The following RRP7A variants were observed in gnomAD, a reference collection of about 807,000 sequenced individuals.
The protein encoded by RRP7A is ribosomal RNA-processing protein 7 homolog A.
A neutral mutation model predicts 38.4 loss-of-function variants in RRP7A; 27 were observed. That is an observed-to-expected ratio of 0.70 (90% CI 0.52 to 0.97). The LOEUF (loss-of-function observed/expected upper bound fraction) is 0.97. Among genes scored for constraint, RRP7A ranks in the 50% least tolerant of loss-of-function variants. The pLI is 0.00. For synonymous variants in RRP7A, 124 were observed against 150.3 expected, an observed-to-expected ratio of 0.83 and a Z score of 1.28; for missense variants, 327 against 375.4, an observed-to-expected ratio of 0.87 and a Z score of 1.07.
intron 2 of RRP7A, among the ~76,000 whole-genome samples, chr22:42,517,407 T>C (rs757495031): frequency 4.5e-4 from 69 of 151,936 alleles, no homozygotes; most frequent in Non-Finnish European, 9.0e-4. Flanking sequence ...CACTTTTTAT[T>C]TTCTTATACT....
rs1181288716 is a variant in RRP7A, at chr22:42,519,796, C to G, written c.-10G>C. On this transcript the variant is annotated 5_prime_UTR_variant, in exon 1 of 7. Transcript: ENST00000323013. ...TCCTGCGCGCCACCATCTTGCCACC[C>G]GGGAGCGCGGGGGCCGCCGGGAGTT... is the stretch of plus-strand genomic sequence containing the variant. 1.4e-6 allele frequency: 2 copies of G among 1,414,036 alleles called. No homozygotes were observed. Among genetic ancestry groups the G allele is most frequent in the Non-Finnish European group, 1.8e-6 (2 of 1,086,836 alleles). 87.6% of individuals were successfully genotyped at this position (1,414,036 alleles called of 1,614,324 possible).
chr22:42,514,644 G>A (rs1166881857), intron 5 of RRP7A, 38 bp downstream of exon 5: 1 of 1,564,038 alleles, frequency 6.4e-7, no homozygotes, highest in African/African-American at 1.3e-5. Context: ...CAGCCACACG[G>A]GCGATGCGGG....
At chr22:42,513,141 G>T (rs1028721619) in intron 6 of RRP7A, 146 bp from the exon 7 acceptor site, 7 of 726,826 alleles carry the variant, frequency 9.6e-6, no homozygotes, top group African/African-American at 3.5e-5. Context: ...CTCTGCTGTG[G>T]GGGCAGGGTC....
In RRP7A at chr22:42,509,141, C is replaced by T. The variant is rs543245694; in HGVS notation, c.*3769G>A. Reference sequence around the variant, plus strand: ...TCTGGACCCATCCCCTTCAGTCACCCCCCAAGGAGACATGGGCGCCAGGAA... The same window carrying T: ...TCTGGACCCATCCCCTTCAGTCACCTCCCAAGGAGACATGGGCGCCAGGAA... On this transcript the variant is annotated 3_prime_UTR_variant, in exon 7 of 7. Transcript: ENST00000323013. 6.2e-7 allele frequency: 1 copy of T among 1,613,680 alleles called. No individual in the cohort carries two copies. Among genetic ancestry groups the T allele is most frequent in the African/African-American group, 1.3e-5 (1 of 75,016 alleles).
chr22:42,515,969 C>T (rs1281493413), intron 3 of RRP7A, 42 bp downstream of exon 3: 1 of 1,555,312 alleles, frequency 6.4e-7, no homozygotes, highest in African/African-American at 1.4e-5. Flanking sequence ...GACAGTGCCC[C>T]ACCCCCCTCA....
Position 42,512,833 on chromosome 22 carries a change from T to G in RRP7A, c.*77A>C. The G allele has an allele frequency of 6.8e-7, 1 of 1,475,244 alleles. No homozygotes were observed. Among genetic ancestry groups the G allele is most frequent in the South Asian group, 1.2e-5 (1 of 85,904 alleles). 91.4% of individuals were successfully genotyped at this position (1,475,244 alleles called of 1,614,324 possible). ...GGGGCCCGTTGGCCAGAGCTCGGCC[T>G]CTCAGAGACCGCTGCAGGCCCTGCC... is the stretch of plus-strand genomic sequence containing the variant. On this transcript the variant is annotated 3_prime_UTR_variant, in exon 7 of 7. Coordinates refer to ENST00000323013, the MANE Select transcript of RRP7A (RefSeq NM_015703.5).
chr22:42,512,909 C>T lies in RRP7A; in HGVS notation c.*1G>A, dbSNP rs1248296492. On this transcript the variant is annotated 3_prime_UTR_variant, in exon 7 of 7. Transcript: ENST00000323013. ...CAGCCATTCACTGCGGCTCTCACAG[C>T]TCAGTACGGTCGGAATTTGCGCTGG... The T allele has an allele frequency of 3.1e-6, 5 of 1,612,954 alleles. No individual in the cohort carries two copies. Among genetic ancestry groups the T allele is most frequent in the South Asian group, 1.1e-5 (1 of 90,964 alleles).
In RRP7A at chr22:42,509,304, A is replaced by G. The variant is rs140120045; in HGVS notation, c.*3606T>C. Among the ~76,000 whole-genome samples, 10,989 of 139,310 alleles carry G rather than the reference A, an allele frequency of 0.079. 577 individuals carry two copies. Among genetic ancestry groups the G allele is most frequent in the Admixed American group, 0.12 (1,573 of 13,394 alleles). 91.4% of individuals were successfully genotyped at this position (139,310 alleles called of 152,430 possible). On this transcript the variant is annotated 3_prime_UTR_variant, in exon 7 of 7. Coordinates refer to ENST00000323013, the MANE Select transcript of RRP7A (RefSeq NM_015703.5). ...GGAAGGTCAGAGGAGGGGAGGGCTC[A>G]GGCAGCAGGGGATGGGCCGGGGCTG...
rs1163635223 is a variant in RRP7A, at chr22:42,508,580, G to A, written c.*4330C>T. On this transcript the variant is annotated 3_prime_UTR_variant, in exon 7 of 7. Coordinates refer to ENST00000323013, the MANE Select transcript of RRP7A (RefSeq NM_015703.5). ...CATCACGGAGTGCCCATCCTGCACTGTGGTCCCAGCAAGTTTCTTTCTCCT... is the reference window on the plus strand; with the variant it reads ...CATCACGGAGTGCCCATCCTGCACTATGGTCCCAGCAAGTTTCTTTCTCCT... 6.6e-6 allele frequency among the ~76,000 whole-genome samples: 1 copy of A among 152,162 alleles called. No homozygotes were observed.
Position 42,510,570 on chromosome 22 carries a change from G to A in RRP7A, c.*2340C>T, listed in dbSNP as rs1416025681. The A allele has an allele frequency of 5.6e-4, 349 of 628,716 alleles. No individual in the cohort carries two copies. Among genetic ancestry groups the A allele is most frequent in the Non-Finnish European group, 7.8e-4 (301 of 384,098 alleles). The allele number at this position is 628,716 out of a possible 1,614,324, so 38.9% of individuals were successfully genotyped here. On this transcript the variant is annotated 3_prime_UTR_variant, in exon 7 of 7. Transcript: ENST00000323013. ...AGGCCTGAACCCAGGGCAGGATGGGGGCACCGCTGGGAGGCGGTTCTAAGA... is the reference window on the plus strand; with the variant it reads ...AGGCCTGAACCCAGGGCAGGATGGGAGCACCGCTGGGAGGCGGTTCTAAGA...
At position 42,518,100 on chromosome 22, in the gene RRP7A, A is replaced by G; in HGVS notation, c.121T>C (p.Tyr41His). 6.2e-7 allele frequency: 1 copy of G among 1,613,810 alleles called. No individual in the cohort carries two copies. ...TGTCGAACGCCGTGTGCTCTCACAT[A>G]GAGGTAGTGAGAAGCCTGTTGCTTT... ...SEKQQASHYL[Y>H]VRAHGVRQGT... is the part of the protein sequence containing the mutation. Residue 41 changes from tyrosine (Y) to histidine (H), a missense_variant, in exon 2 of 7, where the codon TAT (tyrosine) becomes CAT (histidine). By Grantham distance (83) the Tyr-to-His change is moderately conservative. Coordinates refer to ENST00000323013, the MANE Select transcript of RRP7A (RefSeq NM_015703.5).
chr22:42,511,977 A>T lies in RRP7A; in HGVS notation c.*933T>A. The T allele has an allele frequency of 1.4e-6, 1 of 698,728 alleles. No individual in the cohort carries two copies. Among genetic ancestry groups the T allele is most frequent in the African/African-American group, 1.8e-5 (1 of 56,370 alleles). 43.3% of individuals were successfully genotyped at this position (698,728 alleles called of 1,614,324 possible). On this transcript the variant is annotated 3_prime_UTR_variant, in exon 7 of 7. Coordinates refer to ENST00000323013, the MANE Select transcript of RRP7A (RefSeq NM_015703.5). ...GGACTGTCGGGGCTCCAAGGAGCCGAGTGTGGGGGAAACTCACTGTGGGAG... is the reference window on the plus strand; with the variant it reads ...GGACTGTCGGGGCTCCAAGGAGCCGTGTGTGGGGGAAACTCACTGTGGGAG...
In RRP7A at chr22:42,512,811, G is replaced by T. The variant is rs1932509139; in HGVS notation, c.*99C>A. ...TGGACGCGGTGGCCTTCAACCTGGGGCCCGTTGGCCAGAGCTCGGCCTCTC... is the reference window on the plus strand; with the variant it reads ...TGGACGCGGTGGCCTTCAACCTGGGTCCCGTTGGCCAGAGCTCGGCCTCTC... On this transcript the variant is annotated 3_prime_UTR_variant, in exon 7 of 7. Coordinates refer to ENST00000323013, the MANE Select transcript of RRP7A (RefSeq NM_015703.5). 3 of 1,271,772 alleles carry T rather than the reference G, an allele frequency of 2.4e-6. No individual in the cohort carries two copies. The highest frequency in any genetic ancestry group is 2.0e-5 in the Admixed American group (1 of 51,052). The allele number at this position is 1,271,772 out of a possible 1,614,324, so 78.8% of individuals were successfully genotyped here.
chr22:42,519,121 G>A (rs1920939855), intron 1 of RRP7A, among the ~76,000 whole-genome samples: 1 of 149,456 alleles, frequency 6.7e-6, no homozygotes. Context: ...CTTTAGGTCG[G>A]CACCAGCCAG....
chr22:42,512,205 C>G lies in RRP7A; in HGVS notation c.*705G>C, dbSNP rs113051349. 7,543 of 1,596,364 alleles carry G rather than the reference C, an allele frequency of 4.7e-3. 269 individuals carry two copies. In the African/African-American group the frequency reaches 0.09, roughly 19 times the overall value. ...GGCCAGTATCATCAGCTCCTTCTTA[C>G]AGTGCACACACACGCTCCCAGCCCA... On this transcript the variant is annotated 3_prime_UTR_variant, in exon 7 of 7. Coordinates refer to ENST00000323013, the MANE Select transcript of RRP7A (RefSeq NM_015703.5).
At position 42,510,952 on chromosome 22, in the gene RRP7A, C is replaced by T. The variant is rs1064877; in HGVS notation, c.*1958G>A. On this transcript the variant is annotated 3_prime_UTR_variant, in exon 7 of 7. Transcript: ENST00000323013. ...AGACCTTTGGTGGGGAGGTTCTTTA[C>T]CATCCTCAAGTACCCACCCCTCCTT... 0.52 allele frequency: 155,235 copies of T among 299,112 alleles called. 42,017 individuals are homozygous for T. Among genetic ancestry groups the T allele is most frequent in the East Asian group, 0.89 (7,280 of 8,146 alleles). 18.5% of individuals were successfully genotyped at this position (299,112 alleles called of 1,614,324 possible).
In RRP7A at chr22:42,512,608, G is replaced by A. The variant is rs1265839266; in HGVS notation, c.*302C>T. 1 of 557,188 alleles carries A rather than the reference G, an allele frequency of 1.8e-6. No individual in the cohort carries two copies. Among genetic ancestry groups the A allele is most frequent in the African/African-American group, 1.9e-5 (1 of 53,140 alleles). The allele number at this position is 557,188 out of a possible 1,614,324, so 34.5% of individuals were successfully genotyped here. A position where few individuals can be genotyped will look rare whatever the true frequency, so the allele number is the denominator to read the frequency against. ...GCCAGCAAGGGCTTTTGCATTGAGG[G>A]AAAAGGAAGCACAGAACGGATTCAT... On this transcript the variant is annotated 3_prime_UTR_variant, in exon 7 of 7. Transcript: ENST00000323013.
Position 42,509,066 on chromosome 22 carries a change from T to G in RRP7A, c.*3844A>C. On this transcript the variant is annotated 3_prime_UTR_variant, in exon 7 of 7. Coordinates refer to ENST00000323013, the MANE Select transcript of RRP7A (RefSeq NM_015703.5). ...TTGACTTCGTCAGCAGGGAGCTGTG[T>G]GCGCATTCCATCAGGAAGCTGCAGG... 6.2e-7 allele frequency: 1 copy of G among 1,613,218 alleles called. No homozygotes were observed. Among genetic ancestry groups the G allele is most frequent in the African/African-American group, 1.3e-5 (1 of 75,032 alleles).
intron 3 of RRP7A, 142 bp downstream of exon 3, chr22:42,515,869 A>G (rs556497721): frequency 4.6e-5 from 50 of 1,096,536 alleles, no homozygotes; most frequent in Admixed American, 1.6e-4. Context: ...TTTGTCACCC[A>G]GACAGTCTCT....
Sources: allele counts gnomAD v4.1 joint callset (sites outside exome capture counted in the v4.1 genomes callset), GRCh38; gene constraint gnomAD v4.1.1; transcripts MANE v1.5; gene names NCBI Gene and HGNC (gene_info 2026-07-23, HGNC 2026-07-21).